Variants in GYG2 observed in about 807,000 individuals in gnomAD.
GYG2 encodes the protein glycogenin 2, also known as glycogenin-2.
A neutral mutation model predicts 29.4 loss-of-function variants in GYG2; 29 were observed. That is an observed-to-expected ratio of 0.99 (90% CI 0.74 to 1.35). The LOEUF (loss-of-function observed/expected upper bound fraction) is 1.35, where lower values mean the gene tolerates loss of function less well. Among genes scored for constraint, GYG2 ranks in the 40% most tolerant of loss-of-function variants. The probability of loss-of-function intolerance (pLI) is 0.00; values close to 1 mark genes in which losing one functional copy is unlikely to be tolerated. For missense variants in GYG2, 370 were observed against 385.7 expected (o/e 0.96, Z 0.34); for synonymous variants, 167 against 172.3 (o/e 0.97, Z 0.24).
At position 2,836,899 on chromosome X, in the gene GYG2, C is replaced by T. The variant is rs748018378; in HGVS notation, c.8-6314C>T. 2.1e-3 allele frequency among the ~76,000 whole-genome samples: 233 copies of T among 111,250 alleles called. 1 individual carries two copies. Among genetic ancestry groups the T allele is most frequent in the African/African-American group, 7.0e-3 (215 of 30,655 alleles). On this transcript the variant is annotated intron_variant, in intron 2 of 10. Transcript: ENST00000398806. Reference sequence around the variant, plus strand: ...GGAGGATTGCTTGCTCTCAGGAAGTCGAGGCTGCAGTGAGCTGAAATCATA... The same window carrying T: ...GGAGGATTGCTTGCTCTCAGGAAGTTGAGGCTGCAGTGAGCTGAAATCATA...
At chrX:2,870,555 T>A (rs1369909169) in intron 8 of GYG2, among the ~76,000 whole-genome samples, 1 of 111,719 alleles carries the variant, frequency 9.0e-6, no homozygotes, top group Non-Finnish European at 1.9e-5. Context: ...TATGACACAG[T>A]TATCTGCATT....
chrX:2,850,688 C>T (rs1438297917), intron 3 of GYG2, among the ~76,000 whole-genome samples: 2 of 111,381 alleles, frequency 1.8e-5, no homozygotes, highest in Non-Finnish European at 3.8e-5. Flanking sequence ...GAAATTCCTT[C>T]TCCTGGCTCA....
In GYG2 at chrX:2,859,836, T is replaced by TTCTCAGATTCGGTTCCAGTGCAAAGGTCG. The variant is rs771273910; in HGVS notation, c.615-4_639dup. 1.7e-6 allele frequency: 2 copies of TTCTCAGATTCGGTTCCAGTGCAAAGGTCG among 1,144,852 alleles called. No individual in the cohort carries two copies. The highest frequency in any genetic ancestry group is 2.4e-6 in the Non-Finnish European group (2 of 836,810). The allele number at this position is 1,144,852 out of a possible 1,213,427, so 94.3% of individuals were successfully genotyped here. A position where few individuals can be genotyped will look rare whatever the true frequency, so the allele number is the denominator to read the frequency against. Reference sequence around the variant, plus strand: ...GGAAATCAGAATCCCTTCTGTTTCCTTCTCAGATTCGGTTCCAGTGCAAAG... The same window carrying TTCTCAGATTCGGTTCCAGTGCAAAGGTCG: ...GGAAATCAGAATCCCTTCTGTTTCCTTCTCAGATTCGGTTCCAGTGCAAAGGTCGTCTCAGATTCGGTTCCAGTGCAAAG... On this transcript the variant is annotated splice_polypyrimidine_tract_variant and splice_region_variant and intron_variant, in intron 6 of 10. Transcript: ENST00000398806.
chrX:2,859,788 G>T (rs2088111794), intron 6 of GYG2, 55 bp from the exon 7 acceptor site: 1 of 802,554 alleles, frequency 1.2e-6, no homozygotes, highest in Admixed American at 2.6e-5. Flanking sequence ...ATGCTTTCTG[G>T]GTGTCTTTTA....
intron 3 of GYG2, among the ~76,000 whole-genome samples, chrX:2,851,769 A>C (rs1245784962): frequency 1.8e-5 from 2 of 111,834 alleles, no homozygotes; most frequent in Non-Finnish European, 3.8e-5. Context: ...GTAATGGAAA[A>C]TATCTTGGCA....
At chrX:2,850,307 A>G (rs2087839835) in intron 3 of GYG2, among the ~76,000 whole-genome samples, 1 of 111,915 alleles carries the variant, frequency 8.9e-6, no homozygotes, top group South Asian at 3.7e-4. Context: ...AAGAATGAGC[A>G]TATGTTCATG....
At chrX:2,854,690 T>A (rs1388299136) in intron 4 of GYG2, among the ~76,000 whole-genome samples, 3 of 111,723 alleles carry the variant, frequency 2.7e-5, no homozygotes, top group Non-Finnish European at 5.6e-5. Context: ...TCTCAGCACT[T>A]TGGGAGCTTG....
chrX:2,843,814 G>C (rs1297446113), intron 3 of GYG2, among the ~76,000 whole-genome samples: 2 of 110,896 alleles, frequency 1.8e-5, no homozygotes, highest in African/African-American at 6.6e-5. Flanking sequence ...TTTATGTTTT[G>C]TATTTTTGGT....
intron 6 of GYG2, among the ~76,000 whole-genome samples, chrX:2,859,558 GTAT>G (rs766858157): frequency 2.2e-4 from 24 of 110,505 alleles, no homozygotes; most frequent in South Asian, 3.8e-4. Context: ...TAGTAGTAGT[GTAT>G]TATTATTGAT....
chrX:2,845,727 A>G (rs2087699226), intron 3 of GYG2, among the ~76,000 whole-genome samples: 2 of 105,630 alleles, frequency 1.9e-5, no homozygotes, highest in Admixed American at 1.0e-4. Context: ...ATATTTATGC[A>G]TGTGTACGTA....
intron 2 of GYG2, among the ~76,000 whole-genome samples, chrX:2,834,393 A>G (rs1434379619): frequency 8.9e-6 from 1 of 112,070 alleles, no homozygotes; most frequent in East Asian, 2.8e-4. Flanking sequence ...TGGGAGCCAT[A>G]TTCATTCTTG....
At chrX:2,873,231 A>G (rs112874182) in intron 8 of GYG2, among the ~76,000 whole-genome samples, 17,356 of 111,697 alleles carry the variant, frequency 0.16, 1,032 homozygotes, top group South Asian at 0.36. Flanking sequence ...GTTGTCTGAT[A>G]TCTTTGACAA....
intron 10 of GYG2, among the ~76,000 whole-genome samples, chrX:2,880,753 C>A (rs1394432731): frequency 9.1e-6 from 1 of 110,319 alleles, no homozygotes; most frequent in East Asian, 2.9e-4. Flanking sequence ...GCAAAAAATA[C>A]AAAAATCAGC....
intron 2 of GYG2, among the ~76,000 whole-genome samples, chrX:2,840,241 G>A (rs1023539816): frequency 5.4e-5 from 6 of 111,557 alleles, no homozygotes; most frequent in African/African-American, 1.6e-4. Context: ...TGGTGAGGAC[G>A]GGGTAGGGGA....
intron 8 of GYG2, among the ~76,000 whole-genome samples, chrX:2,873,971 C>T (rs1376859203): frequency 9.0e-6 from 1 of 110,921 alleles, no homozygotes; most frequent in Non-Finnish European, 1.9e-5. Context: ...TGATGCATGC[C>T]TGTAATCCCA....
chrX:2,838,079 A>G (rs939098710), intron 2 of GYG2, among the ~76,000 whole-genome samples: 7 of 111,754 alleles, frequency 6.3e-5, no homozygotes, highest in African/African-American at 2.3e-4. Context: ...CTCAGTATGA[A>G]ACACATACTG....
At chrX:2,844,822 G>A (rs190548810) in intron 3 of GYG2, among the ~76,000 whole-genome samples, 6 of 107,103 alleles carry the variant, frequency 5.6e-5, no homozygotes, top group African/African-American at 1.7e-4. Context: ...TTATATATAC[G>A]TATGTGTATA....
At chrX:2,875,282 C>T (rs755009684) in intron 8 of GYG2, among the ~76,000 whole-genome samples, 4 of 110,924 alleles carry the variant, frequency 3.6e-5, no homozygotes, top group Non-Finnish European at 5.7e-5. Flanking sequence ...AGCCACTGTA[C>T]GTAATGCATT....
rs772760223 is a variant in GYG2 at position 2,876,816 on chromosome X, G to A, written c.1144-384G>A. Among the ~76,000 whole-genome samples the A allele has an allele frequency of 1.5e-3, 165 of 110,022 alleles. 1 individual carries two copies. Among genetic ancestry groups the A allele is most frequent in the Non-Finnish European group, 2.6e-3 (138 of 52,635 alleles). Reference sequence around the variant, plus strand: ...TACAAAAAATTAGCTGGGCGTGGTGGTGGGCGCCTGTAGTCCCAGCTACTC... The same window carrying A: ...TACAAAAAATTAGCTGGGCGTGGTGATGGGCGCCTGTAGTCCCAGCTACTC... On this transcript the variant is annotated intron_variant, in intron 9 of 10. Transcript: ENST00000398806.
Sources: allele counts gnomAD v4.1 joint callset (sites outside exome capture counted in the v4.1 genomes callset), GRCh38; gene constraint gnomAD v4.1.1; transcripts MANE v1.5; gene names NCBI Gene and HGNC (gene_info 2026-07-23, HGNC 2026-07-21).